DGCR8: variants seen among roughly 807,000 people sequenced by gnomAD.
The protein encoded by DGCR8 is DGCR8 microprocessor complex subunit, also known as microprocessor complex subunit DGCR8.
Under a neutral mutation model 78.5 loss-of-function variants are expected in DGCR8, and 14 were observed. The observed-to-expected ratio is 0.18, with a 90% confidence interval of 0.12 to 0.28. DGCR8 has a LOEUF of 0.28. Ranked by LOEUF, DGCR8 falls within the 10% of genes least tolerant of loss-of-function variation. DGCR8 has a pLI of 1.00. For synonymous variants in DGCR8, 399 were observed against 402.4 expected, an observed-to-expected ratio of 0.99 and a Z score of 0.10; for missense variants, 702 against 1,022.5, an observed-to-expected ratio of 0.69 and a Z score of 4.28.
intron 1 of DGCR8, among the ~76,000 whole-genome samples, chr22:20,083,104 C>T (rs1206290417): frequency 6.6e-6 from 1 of 152,188 alleles, no homozygotes; most frequent in Admixed American, 6.5e-5. Context: ...TCACCTGGAA[C>T]ATCCCCTCCT....
At position 20,087,509 on chromosome 22, in the gene DGCR8, A is replaced by T. The variant is rs2049500784; in HGVS notation, c.880+188A>T. Among the ~76,000 whole-genome samples, 1 of 152,142 alleles carries T rather than the reference A, an allele frequency of 6.6e-6. No homozygotes were observed. Among genetic ancestry groups the T allele is most frequent in the African/African-American group, 2.4e-5 (1 of 41,406 alleles). On this transcript the variant is annotated intron_variant, in intron 3 of 13. Coordinates refer to ENST00000351989, the MANE Select transcript of DGCR8 (RefSeq NM_022720.7). This position sits in a 1 kb window ranked among gnomAD's most constrained non-coding sequence, Gnocchi z 4.1. ...GAGGACGTCCTGATGCATGACCCAGATGCGGATCCTGGTGTGTGCTATGGA... is the reference window on the plus strand; with the variant it reads ...GAGGACGTCCTGATGCATGACCCAGTTGCGGATCCTGGTGTGTGCTATGGA...
Position 20,091,918 on chromosome 22 carries a change from G to A in DGCR8, c.1554G>A (p.Glu518=), listed in dbSNP as rs755455097. The change falls in exon 7 of 14, where the codon GAG becomes GAA. Residue 518 remains glutamate (E), a synonymous_variant. Coordinates refer to ENST00000351989, the MANE Select transcript of DGCR8 (RefSeq NM_022720.7). ...NGKSEVCILH[E]YMQRVLKVRP... ...AATCCGAGGTCTGCATCCTGCACGA[G>A]TACATGCAGCGTGTCCTCAAGGTCC... is the stretch of plus-strand genomic sequence containing the variant. 5 of 1,614,182 alleles carry A rather than the reference G, an allele frequency of 3.1e-6. No homozygotes were observed. The South Asian group carries it at 4.4e-5, about 14-fold the overall frequency.
chr22:20,085,083 A>G lies in DGCR8; in HGVS notation c.-277-604A>G, dbSNP rs948513493. On this transcript the variant is annotated intron_variant, in intron 1 of 13. Coordinates refer to ENST00000351989, the MANE Select transcript of DGCR8 (RefSeq NM_022720.7). The surrounding 1 kb of genome is among the most constrained non-coding windows in gnomAD (Gnocchi z 6.2). ...ACCCCTCTCCTCCATCGGGAACAGAACTATGCTGCCACCTCTGGTGACCTC... is the reference window on the plus strand; with the variant it reads ...ACCCCTCTCCTCCATCGGGAACAGAGCTATGCTGCCACCTCTGGTGACCTC... 1.0e-6 allele frequency: 1 copy of G among 968,200 alleles called. No homozygotes were observed. 60.0% of individuals were successfully genotyped at this position (968,200 alleles called of 1,614,324 possible). A position where few individuals can be genotyped will look rare whatever the true frequency, so the allele number is the denominator to read the frequency against.
Position 20,087,039 on chromosome 22 carries a change from G to A in DGCR8, c.721-123G>A. ...TTTTCAGATGATCATGCACCCTAAGGGCACATCTAGGCCCCCTGAGAGCAC... is the reference window on the plus strand; with the variant it reads ...TTTTCAGATGATCATGCACCCTAAGAGCACATCTAGGCCCCCTGAGAGCAC... On this transcript the variant is annotated intron_variant, in intron 2 of 13. Transcript: ENST00000351989. The surrounding 1 kb of genome is among the most constrained non-coding windows in gnomAD (Gnocchi z 4.1). 7.8e-7 allele frequency: 1 copy of A among 1,280,320 alleles called. No homozygotes were observed. Among genetic ancestry groups the A allele is most frequent in the Non-Finnish European group, 1.1e-6 (1 of 926,904 alleles). 79.3% of individuals were successfully genotyped at this position (1,280,320 alleles called of 1,614,324 possible).
intron 9 of DGCR8, among the ~76,000 whole-genome samples, chr22:20,105,943 A>T (rs968033046): frequency 6.6e-6 from 1 of 152,008 alleles, no homozygotes; most frequent in South Asian, 2.1e-4. Flanking sequence ...ACCAGACTCC[A>T]TCCCACAGTG....
intron 9 of DGCR8, among the ~76,000 whole-genome samples, chr22:20,102,868 C>T (rs536440815): frequency 6.6e-6 from 1 of 152,220 alleles, no homozygotes; most frequent in East Asian, 1.9e-4. Flanking sequence ...TGCAGTGGCT[C>T]ACGCCTGTAA....
At position 20,086,709 on chromosome 22, in the gene DGCR8, G is replaced by A; in HGVS notation, c.720+26G>A. The A allele has an allele frequency of 6.3e-7, 1 of 1,575,074 alleles. No homozygotes were observed. Among genetic ancestry groups the A allele is most frequent in the Non-Finnish European group, 8.6e-7 (1 of 1,166,078 alleles). ...GTATGTTGGCAGCCCCTCCTCTAGA[G>A]GGCTCTTAGCAAAACCCAAAGAGAG... is the stretch of plus-strand genomic sequence containing the variant. On this transcript the variant is annotated intron_variant, in intron 2 of 13. Transcript: ENST00000351989. The surrounding 1 kb of genome is among the most constrained non-coding windows in gnomAD (Gnocchi z 6.4).
chr22:20,107,419 C>G, intron 12 of DGCR8, 21 bp downstream of exon 12: 5 of 1,613,474 alleles, frequency 3.1e-6, no homozygotes, highest in Non-Finnish European at 4.2e-6. Context: ...ATCAGCAGGT[C>G]CCAGGGCAGC....
At chr22:20,107,599 G>A (rs1440478847) in intron 12 of DGCR8, 2 of 614,050 alleles carry the variant, frequency 3.3e-6, no homozygotes, top group Non-Finnish European at 5.7e-6. Context: ...GCTGGGCATG[G>A]TCAGTGAAGT....
At chr22:20,088,195 G>A (rs539654321) in intron 3 of DGCR8, among the ~76,000 whole-genome samples, 7 of 152,272 alleles carry the variant, frequency 4.6e-5, no homozygotes, top group Admixed American at 1.3e-4. Flanking sequence ...TGCCTATGTC[G>A]TGTTGGTAGC....
intron 1 of DGCR8, among the ~76,000 whole-genome samples, chr22:20,083,764 C>T (rs1266302233): frequency 1.3e-5 from 2 of 152,128 alleles, no homozygotes; most frequent in African/African-American, 4.8e-5. Context: ...TAATCTGTGG[C>T]ACTGGGCGCA....
rs972692295 is a variant in DGCR8, at chr22:20,110,374, T to C, written c.*266T>C. ...CTGCACCAGTGGCAGCTGGTGACTG[T>C]GGACAGTGGTGGACCCTGCTTCTGT... On this transcript the variant is annotated 3_prime_UTR_variant, in exon 14 of 14. Transcript: ENST00000351989. 1.3e-5 allele frequency: 6 copies of C among 462,392 alleles called. No homozygotes were observed. Among genetic ancestry groups the C allele is most frequent in the African/African-American group, 1.2e-4 (6 of 50,494 alleles). 28.6% of individuals were successfully genotyped at this position (462,392 alleles called of 1,614,324 possible). A position where few individuals can be genotyped will look rare whatever the true frequency, so the allele number is the denominator to read the frequency against.
At position 20,107,421 on chromosome 22, in the gene DGCR8, C is replaced by T. The variant is rs376174629; in HGVS notation, c.2124+23C>T. 6 of 1,613,392 alleles carry T rather than the reference C, an allele frequency of 3.7e-6. No homozygotes were observed. In the African/African-American group the frequency reaches 8.0e-5, roughly 22 times the overall value. Reference sequence around the variant, plus strand: ...CAGGTAACTGGCCATCAGCAGGTCCCAGGGCAGCCTGTGCTGCCACCCTGG... The same window carrying T: ...CAGGTAACTGGCCATCAGCAGGTCCTAGGGCAGCCTGTGCTGCCACCCTGG... On this transcript the variant is annotated intron_variant, in intron 12 of 13. Coordinates refer to ENST00000351989, the MANE Select transcript of DGCR8 (RefSeq NM_022720.7).
At chr22:20,105,874 T>C (rs1186882057) in intron 9 of DGCR8, among the ~76,000 whole-genome samples, 1 of 152,204 alleles carries the variant, frequency 6.6e-6, no homozygotes, top group African/African-American at 2.4e-5. Context: ...TGGATCAGAA[T>C]CAGATCCAAA....
intron 13 of DGCR8, 160 bp downstream of exon 13, chr22:20,109,163 T>C (rs990414314): frequency 2.4e-5 from 13 of 541,208 alleles, no homozygotes; most frequent in African/African-American, 2.1e-4. Context: ...AGCTTCGACA[T>C]GTGTGATAGT....
Position 20,111,706 on chromosome 22 carries a change from G to GCCA in DGCR8, c.*1600_*1601insACC, listed in dbSNP as rs2049850334. 3 of 63,028 alleles carry GCCA rather than the reference G, an allele frequency of 4.8e-5. No homozygotes were observed. Among genetic ancestry groups the GCCA allele is most frequent in the African/African-American group, 2.6e-4 (3 of 11,454 alleles). The allele number at this position is 63,028 out of a possible 1,614,324, so 3.9% of individuals were successfully genotyped here. On this transcript the variant is annotated 3_prime_UTR_variant, in exon 14 of 14. Coordinates refer to ENST00000351989, the MANE Select transcript of DGCR8 (RefSeq NM_022720.7). ...TGCCATACTCTTGTGGTCTCTGTGC[G>GCCA]CCCCCCCCCCCCCCCCACCCGTCTG...
At position 20,092,845 on chromosome 22, in the gene DGCR8, T is replaced by C; in HGVS notation, c.1643T>C (p.Ile548Thr). The change falls in exon 8 of 14, where the codon ATT becomes ACT. Residue 548 changes from isoleucine to threonine, a missense_variant. Ile to Thr is a moderately conservative substitution (Grantham distance 89, BLOSUM62 -1). Transcript: ENST00000351989. ...PSEPFGASVTIDGVTYGSGTA... is the reference protein window; with the variant it reads ...PSEPFGASVTTDGVTYGSGTA... ...GAGCCTTTTGGTGCCTCGGTGACCA[T>C]TGATGGTGTGACTTACGGATCTGGA... is the stretch of plus-strand genomic sequence containing the variant. 1 of 1,613,864 alleles carries C rather than the reference T, an allele frequency of 6.2e-7. No individual in the cohort carries two copies.
At chr22:20,083,994 G>T (rs1438001081) in intron 1 of DGCR8, among the ~76,000 whole-genome samples, 1 of 152,214 alleles carries the variant, frequency 6.6e-6, no homozygotes, top group East Asian at 1.9e-4. Context: ...ATTCCCATTA[G>T]ATTCAGAAAT....
At chr22:20,080,566 TC>T in intron 1 of DGCR8, 183 bp downstream of exon 1, 2 of 727,954 alleles carry the variant, frequency 2.7e-6, no homozygotes, top group Non-Finnish European at 3.4e-6. Flanking sequence ...TGGGGACGCC[TC>T]CGGGGCTGGG....
Sources: gnomAD v4.1 joint callset for allele counts (sites outside exome capture counted in the v4.1 genomes callset) on GRCh38, gnomAD v4.1.1 for gene constraint, Gnocchi (gnomAD v3.1) non-coding constraint, MANE v1.5 for transcripts, NCBI Gene and HGNC (gene_info 2026-07-23, HGNC 2026-07-21) for gene names.